The following NCKAP5 variants were observed in gnomAD, a reference collection of about 807,000 sequenced individuals.
NCKAP5 encodes the protein NCK associated protein 5.
A neutral mutation model predicts 167.0 loss-of-function variants in NCKAP5; 92 were observed. That is an observed-to-expected ratio of 0.55 (90% CI 0.47 to 0.66). The LOEUF (loss-of-function observed/expected upper bound fraction) is 0.66, where lower values mean the gene tolerates loss of function less well. Among genes scored for constraint, NCKAP5 ranks in the 30% least tolerant of loss-of-function variants. NCKAP5 has a pLI of 0.00. For synonymous variants in NCKAP5, 891 were observed against 877.4 expected (o/e 1.02, Z -0.27); for missense variants, 2,378 against 2,315.0 (o/e 1.03, Z -0.56).
chr2:133,290,816 G>T (rs976930648), intron 4 of NCKAP5, among the ~76,000 whole-genome samples: 21 of 147,566 alleles, frequency 1.4e-4, no homozygotes, highest in African/African-American at 5.2e-4. Context: ...TACAGTGGCA[G>T]GAACAAAGCT....
At chr2:132,907,783 G>T (rs551638702) in intron 8 of NCKAP5, among the ~76,000 whole-genome samples, 2 of 151,554 alleles carry the variant, frequency 1.3e-5, no homozygotes, top group East Asian at 1.9e-4. Flanking sequence ...TCAGCCTCCC[G>T]AGTAGCTGGG....
intron 2 of NCKAP5, among the ~76,000 whole-genome samples, chr2:133,536,815 G>C (rs772234097): frequency 2.0e-5 from 3 of 150,830 alleles, no homozygotes; most frequent in Non-Finnish European, 3.0e-5. Flanking sequence ...AAATTTTACT[G>C]ATGTCCAAGC....
intron 6 of NCKAP5, among the ~76,000 whole-genome samples, chr2:133,052,272 A>T (rs2079631616): frequency 6.6e-6 from 1 of 152,232 alleles, no homozygotes; most frequent in Non-Finnish European, 1.5e-5. Context: ...AACAGAACTC[A>T]TACTCTGATC....
At chr2:132,702,512 C>A (rs1198700067) in intron 19 of NCKAP5, among the ~76,000 whole-genome samples, 1 of 152,064 alleles carries the variant, frequency 6.6e-6, no homozygotes, top group Non-Finnish European at 1.5e-5. Flanking sequence ...ACTGGAGTTC[C>A]CAACATTGAG....
chr2:133,302,981 C>T, intron 4 of NCKAP5, 56 bp downstream of exon 4: 1 of 1,217,890 alleles, frequency 8.2e-7, no homozygotes, highest in Admixed American at 2.0e-5. Flanking sequence ...TTTAGATCAG[C>T]AAAGCTATAA....
intron 8 of NCKAP5, among the ~76,000 whole-genome samples, chr2:132,916,492 C>T (rs1694890398): frequency 6.6e-6 from 1 of 152,070 alleles, no homozygotes; most frequent in Non-Finnish European, 1.5e-5. Context: ...ACTGTAGGAT[C>T]CCATTAAAAT....
intron 3 of NCKAP5, among the ~76,000 whole-genome samples, chr2:133,365,770 T>G (rs1178648647): frequency 6.6e-6 from 1 of 152,236 alleles, no homozygotes; most frequent in Non-Finnish European, 1.5e-5. Context: ...TATTTATTGA[T>G]CTGACTTCTA....
At chr2:133,174,335 T>C (rs1417244581) in intron 5 of NCKAP5, among the ~76,000 whole-genome samples, 1 of 152,188 alleles carries the variant, frequency 6.6e-6, no homozygotes, top group African/African-American at 2.4e-5. Flanking sequence ...CTAGGGATGT[T>C]TATCTTGATG....
chr2:132,928,376 T>C (rs1696084410), intron 8 of NCKAP5, among the ~76,000 whole-genome samples: 1 of 152,180 alleles, frequency 6.6e-6, no homozygotes, highest in African/African-American at 2.4e-5. Flanking sequence ...CTACAATAAT[T>C]AATATTACTC....
the NCKAP5 span, among the ~76,000 whole-genome samples, chr2:133,651,093 G>C: frequency 6.6e-6 from 1 of 152,088 alleles, no homozygotes. Context: ...AAAACATAGA[G>C]GAAATATGGC....
chr2:133,266,626 G>A (rs1016906600), intron 4 of NCKAP5, among the ~76,000 whole-genome samples: 7 of 152,184 alleles, frequency 4.6e-5, no homozygotes. Context: ...GCGCTGCAGA[G>A]CCGGGAGTTG....
chr2:133,252,936 C>A (rs926554748), intron 4 of NCKAP5, among the ~76,000 whole-genome samples: 1 of 152,202 alleles, frequency 6.6e-6, no homozygotes, highest in Non-Finnish European at 1.5e-5. Flanking sequence ...GGCAGCCAGC[C>A]TCAGGGGGTC....
chr2:133,447,229 G>C (rs547962361), intron 3 of NCKAP5, among the ~76,000 whole-genome samples: 20 of 152,138 alleles, frequency 1.3e-4, no homozygotes, highest in African/African-American at 4.6e-4. Context: ...ACCCTAGAGG[G>C]GCTCAATATT....
chr2:132,845,723 T>C (rs1414852803), intron 11 of NCKAP5, among the ~76,000 whole-genome samples: 1 of 152,198 alleles, frequency 6.6e-6, no homozygotes, highest in Non-Finnish European at 1.5e-5. Flanking sequence ...CCCATACTTC[T>C]GTGTAGTTCT....
Position 133,198,451 on chromosome 2 carries a change from T to A in NCKAP5, c.207+15265A>T, listed in dbSNP as rs531360645. On this transcript the variant is annotated intron_variant, in intron 5 of 19. Coordinates refer to ENST00000409261, the MANE Select transcript of NCKAP5 (RefSeq NM_207363.3). ...ACTCTAATGACTGTAGGTTTCTCTT[T>A]AGAAATCATGGAAACTAGAAGGAAG... Among the ~76,000 whole-genome samples, 10 of 152,246 alleles carry A rather than the reference T, an allele frequency of 6.6e-5. 1 individual carries two copies. In the South Asian group the frequency reaches 2.1e-3, roughly 32 times the overall value.
chr2:133,538,894 C>T (rs1196614812), intron 2 of NCKAP5, among the ~76,000 whole-genome samples: 1 of 141,098 alleles, frequency 7.1e-6, no homozygotes, highest in East Asian at 2.5e-4. Context: ...TGAGATGTAC[C>T]TAGTTTTTTT....
At position 133,101,686 on chromosome 2, in the gene NCKAP5, C is replaced by G. The variant is rs367887189; in HGVS notation, c.341+28292G>C. On this transcript the variant is annotated intron_variant, in intron 6 of 19. Coordinates refer to ENST00000409261, the MANE Select transcript of NCKAP5 (RefSeq NM_207363.3). ...AAACATAAAATCATTATTTTCAATT[C>G]AATTCAAAAAATACAAAAAACAAAT... 7.1e-4 allele frequency among the ~76,000 whole-genome samples: 108 copies of G among 152,254 alleles called. 2 individuals are homozygous for G. The East Asian group carries it at 0.019, about 26-fold the overall frequency.
At chr2:133,608,874 A>C in the NCKAP5 span, among the ~76,000 whole-genome samples, 1 of 152,170 alleles carries the variant, frequency 6.6e-6, no homozygotes, top group Non-Finnish European at 1.5e-5. Context: ...CCTTCACCAT[A>C]TATGCTTCTC....
chr2:133,472,913 C>T (rs1168746410), intron 3 of NCKAP5, among the ~76,000 whole-genome samples: 9 of 152,158 alleles, frequency 5.9e-5, no homozygotes, highest in Admixed American at 5.9e-4. Context: ...TATTGGCTTC[C>T]ACATGGCCAC....
Sources: gnomAD v4.1 joint callset for allele counts (sites outside exome capture counted in the v4.1 genomes callset) on GRCh38, gnomAD v4.1.1 for gene constraint, MANE v1.5 for transcripts, NCBI Gene and HGNC (gene_info 2026-07-23, HGNC 2026-07-21) for gene names.